Variants in ZMYM4 observed in about 807,000 individuals in gnomAD.
The protein encoded by ZMYM4 is zinc finger MYM-type containing 4.
Under a neutral mutation model 183.2 loss-of-function variants are expected in ZMYM4, and 31 were observed. The ratio of observed to expected loss-of-function variants is 0.17; its 90% CI spans 0.13 to 0.23. The LOEUF (loss-of-function observed/expected upper bound fraction) is 0.23. Among genes scored for constraint, ZMYM4 ranks in the 10% least tolerant of loss-of-function variants. The probability of loss-of-function intolerance (pLI) is 1.00; values close to 1 mark genes in which losing one functional copy is unlikely to be tolerated. For missense variants in ZMYM4, 1,273 were observed against 1,840.3 expected, an observed-to-expected ratio of 0.69 and a Z score of 5.64; for synonymous variants, 592 against 631.2, an observed-to-expected ratio of 0.94 and a Z score of 0.93.
At chr1:35,285,835 G>A (rs1405383100) in intron 1 of ZMYM4, among the ~76,000 whole-genome samples, 1 of 152,096 alleles carries the variant, frequency 6.6e-6, no homozygotes, top group Non-Finnish European at 1.5e-5. Flanking sequence ...TTAAAGAAAA[G>A]CTAACATCCT....
At chr1:35,291,436 T>C (rs892054481) in intron 1 of ZMYM4, among the ~76,000 whole-genome samples, 11 of 152,106 alleles carry the variant, frequency 7.2e-5, no homozygotes, top group Non-Finnish European at 1.0e-4. Context: ...GAAGTCTACT[T>C]TATCAATTTT....
At chr1:35,390,381 G>A (rs1476118840) in intron 15 of ZMYM4, among the ~76,000 whole-genome samples, 4 of 151,996 alleles carry the variant, frequency 2.6e-5, no homozygotes, top group Non-Finnish European at 5.9e-5. Context: ...GGGAGATGGG[G>A]TGGGGCCGTT....
chr1:35,393,481 G>C, intron 17 of ZMYM4, 114 bp from the exon 18 acceptor site: 1 of 945,072 alleles, frequency 1.1e-6, no homozygotes, highest in Non-Finnish European at 1.5e-6. Context: ...ATATTTACTT[G>C]CTATGTCCTC....
chr1:35,417,978 G>C (rs1271607143), intron 28 of ZMYM4, among the ~76,000 whole-genome samples: 1 of 151,686 alleles, frequency 6.6e-6, no homozygotes, highest in East Asian at 1.9e-4. Context: ...GTTGCACTCC[G>C]TCCTGGGCAA....
chr1:35,302,541 A>G (rs1641339482), intron 1 of ZMYM4, among the ~76,000 whole-genome samples: 1 of 151,652 alleles, frequency 6.6e-6, no homozygotes, highest in Non-Finnish European at 1.5e-5. Flanking sequence ...GCCTGCCACA[A>G]TGCCCCACTA....
At chr1:35,379,298 A>G (rs1409324574) in intron 7 of ZMYM4, among the ~76,000 whole-genome samples, 1 of 152,102 alleles carries the variant, frequency 6.6e-6, no homozygotes, top group Non-Finnish European at 1.5e-5. Context: ...ATGGGATTTC[A>G]CCATGTTGGC....
At chr1:35,304,363 G>A (rs980250975) in intron 1 of ZMYM4, among the ~76,000 whole-genome samples, 3 of 151,942 alleles carry the variant, frequency 2.0e-5, no homozygotes, top group African/African-American at 7.2e-5. Flanking sequence ...TCTAATTTTT[G>A]ATATTGTAAT....
chr1:35,393,638 C>G lies in ZMYM4; in HGVS notation c.2810C>G (p.Pro937Arg). 1.2e-6 allele frequency: 2 copies of G among 1,612,086 alleles called. No individual in the cohort carries two copies. Among genetic ancestry groups the G allele is most frequent in the Non-Finnish European group, 1.7e-6 (2 of 1,178,762 alleles). The change falls in exon 18 of 30, where the codon CCT becomes CGT. Residue 937 changes from proline (P) to arginine (R), a missense_variant. Around this residue, in one of 6 missense-constraint regions of ZMYM4, gnomAD observed 290 missense variants for 353.3 expected, o/e 0.82. Transcript: ENST00000314607. ...TDALKLPPSQ[P>R]PRLLKNKALL... ...GCCCTGAAACTGCCACCTTCCCAAC[C>G]TCCAAGGCTTTTGAAGAACAAAGCT...
chr1:35,414,737 A>G (rs1284712952), intron 27 of ZMYM4, among the ~76,000 whole-genome samples: 1 of 152,078 alleles, frequency 6.6e-6, no homozygotes, highest in African/African-American at 2.4e-5. Flanking sequence ...CTATTTCATC[A>G]TGTGAAAATT....
chr1:35,389,206 C>A lies in ZMYM4; in HGVS notation c.2436+124C>A. 1.1e-6 allele frequency: 1 copy of A among 924,360 alleles called. No homozygotes were observed. The highest frequency in any genetic ancestry group is 1.5e-6 in the Non-Finnish European group (1 of 647,936). The allele number at this position is 924,360 out of a possible 1,614,324, so 57.3% of individuals were successfully genotyped here. A position where few individuals can be genotyped will look rare whatever the true frequency, so the allele number is the denominator to read the frequency against. The stretch of plus-strand genomic sequence containing the variant: ...CTTTTAAGTATTAAATGTTTTATGC[C>A]TTCTAGCAATTAATATAAGATTTAG... On this transcript the variant is annotated intron_variant, in intron 14 of 29. Transcript: ENST00000314607. The surrounding 1 kb of genome is among the most constrained non-coding windows in gnomAD (Gnocchi z 4.0).
intron 7 of ZMYM4, among the ~76,000 whole-genome samples, chr1:35,380,187 T>C (rs1644422202): frequency 6.6e-6 from 1 of 152,204 alleles, no homozygotes; most frequent in Non-Finnish European, 1.5e-5. Flanking sequence ...GTGTAATCTC[T>C]TTAAGATACA....
At chr1:35,303,228 G>A (rs1346688779) in intron 1 of ZMYM4, among the ~76,000 whole-genome samples, 1 of 150,732 alleles carries the variant, frequency 6.6e-6, no homozygotes, top group African/African-American at 2.4e-5. Context: ...GGTCGAGGCT[G>A]CAATGAGCTG....
intron 26 of ZMYM4, among the ~76,000 whole-genome samples, chr1:35,412,538 T>C (rs923689648): frequency 2.6e-5 from 4 of 152,166 alleles, no homozygotes; most frequent in Non-Finnish European, 5.9e-5. Context: ...TGTACTGATA[T>C]ATTTCTGTAA....
intron 1 of ZMYM4, among the ~76,000 whole-genome samples, chr1:35,283,339 T>TC (rs1640291137): frequency 1.0e-5 from 1 of 98,782 alleles, no homozygotes; most frequent in Non-Finnish European, 2.0e-5. Flanking sequence ...TTTTTTTTTT[T>TC]TTTTTTTTTT....
chr1:35,343,907 T>C (rs2148866632), intron 2 of ZMYM4, among the ~76,000 whole-genome samples: 1 of 152,064 alleles, frequency 6.6e-6, no homozygotes, highest in East Asian at 1.9e-4. Context: ...TCATGTCTCT[T>C]GTAGTTACAC....
chr1:35,329,746 G>A (rs1487182136), intron 2 of ZMYM4, among the ~76,000 whole-genome samples: 1 of 152,078 alleles, frequency 6.6e-6, no homozygotes, highest in Non-Finnish European at 1.5e-5. Flanking sequence ...CTGAGGCAGG[G>A]TCTTGCTATG....
intron 9 of ZMYM4, among the ~76,000 whole-genome samples, chr1:35,382,691 T>C (rs12030522): frequency 0.12 from 18,116 of 152,056 alleles, 2,597 homozygotes; most frequent in East Asian, 0.69. Context: ...GTGATCCACC[T>C]GCCTCGGCCT....
At chr1:35,396,773 C>A in intron 19 of ZMYM4, 103 bp downstream of exon 19, 1 of 1,319,764 alleles carries the variant, frequency 7.6e-7, no homozygotes, top group South Asian at 1.6e-5. Context: ...TAAAATATAC[C>A]TGCTTCTGAT....
Position 35,387,213 on chromosome 1 carries a change from G to A in ZMYM4, c.2047G>A (p.Val683Met). 1.2e-6 allele frequency: 2 copies of A among 1,614,196 alleles called. No individual in the cohort carries two copies. Reference sequence around the variant, plus strand: ...GCATGTTGGGTTTGCACGAAGTGTTGTGAAACTCAAATGTCAACACTGTAA... The same window carrying A: ...GCATGTTGGGTTTGCACGAAGTGTTATGAAACTCAAATGTCAACACTGTAA... ...SQHVGFARSV[V>M]KLKCQHCNRL... Residue 683 changes from valine (V) to methionine (M), a missense_variant, in exon 12 of 30, where the codon GTG becomes ATG. This residue lies in a region of ZMYM4 where 319 missense variants were observed against 518.1 expected (regional missense o/e 0.62). Transcript: ENST00000314607.
Sources: gnomAD v4.1 joint callset for allele counts (sites outside exome capture counted in the v4.1 genomes callset) on GRCh38, gnomAD v4.1.1 for gene constraint, gnomAD v4.1.1 regional missense constraint, Gnocchi (gnomAD v3.1) non-coding constraint, MANE v1.5 for transcripts, NCBI Gene and HGNC (gene_info 2026-07-23, HGNC 2026-07-21) for gene names.